The following ANKRD27 variants were observed in gnomAD, a reference collection of about 807,000 sequenced individuals.
The protein encoded by ANKRD27 is ankyrin repeat domain 27.
ANKRD27 carries 112 observed loss-of-function variants against 129.7 expected under a neutral mutation model. The ratio of observed to expected loss-of-function variants is 0.86; its 90% CI spans 0.74 to 1.01. The LOEUF is 1.01. Ranked by LOEUF, ANKRD27 falls within the 50% of genes least tolerant of loss-of-function variation. ANKRD27 has a pLI of 0.00. For missense variants in ANKRD27, 1,258 were observed against 1,300.5 expected (o/e 0.97, Z 0.50); for synonymous variants, 516 against 511.2 (o/e 1.01, Z -0.13).
rs763353897 is a variant in ANKRD27 at position 32,599,969 on chromosome 19, CACTT to C, written c.2845_2846+2del. 66 of 1,610,834 alleles carry C rather than the reference CACTT, an allele frequency of 4.1e-5. No homozygotes were observed. Among genetic ancestry groups the C allele is most frequent in the Non-Finnish European group, 5.1e-5 (60 of 1,177,778 alleles). On this transcript the variant is annotated splice_donor_variant and coding_sequence_variant, in exon 27 of 29. Coordinates refer to ENST00000306065, the MANE Select transcript of ANKRD27 (RefSeq NM_032139.3). LOFTEE classifies it high-confidence loss of function. ...CAGAAATCAACTTGAGTTTCATACT[CACTT>C]AAACTGACCAGCTGAGTGGACAAAG...
chr19:32,646,593 C>T lies in ANKRD27; in HGVS notation c.236G>A (p.Arg79Lys), dbSNP rs777641390. The T allele has an allele frequency of 6.2e-7, 1 of 1,613,326 alleles. No homozygotes were observed. The highest frequency in any genetic ancestry group is 1.7e-5 in the Admixed American group (1 of 59,692). The change falls in exon 4 of 29, where the codon AGG becomes AAG. Residue 79 changes from arginine (R) to lysine (K), a missense_variant. By Grantham distance (26) the Arg-to-Lys change is conservative. Coordinates refer to ENST00000306065, the MANE Select transcript of ANKRD27 (RefSeq NM_032139.3). ...GGCAAAACCAGCTCCTAATTTAATCCTGTTCCCTTGAATAAAGACATCCTG... is the reference window on the plus strand; with the variant it reads ...GGCAAAACCAGCTCCTAATTTAATCTTGTTCCCTTGAATAAAGACATCCTG... ...NGKDVFIQGN[R>K]IKLGAGFACL...
intron 13 of ANKRD27, among the ~76,000 whole-genome samples, chr19:32,630,412 C>T (rs1966972420): frequency 6.6e-6 from 1 of 152,232 alleles, no homozygotes; most frequent in Non-Finnish European, 1.5e-5. Context: ...ACCAGACCAC[C>T]AGGAAGTCAG....
At chr19:32,654,258 C>CA (rs1967477672) in intron 2 of ANKRD27, among the ~76,000 whole-genome samples, 1 of 152,104 alleles carries the variant, frequency 6.6e-6, no homozygotes, top group Admixed American at 6.5e-5. Flanking sequence ...CTCTGATCTC[C>CA]AGGGCAGACT....
rs778367480 is a variant in ANKRD27, at chr19:32,643,243, CAGA to C, written c.705+41_705+43del. 4.3e-6 allele frequency: 7 copies of C among 1,613,934 alleles called. No homozygotes were observed. In the South Asian group the frequency reaches 4.4e-5, roughly 10 times the overall value. ...GAACCTTCAAATTTCTCAAAAAGCA[CAGA>C]AGAAGGCTTCCATCTTGGGTGATAA... On this transcript the variant is annotated intron_variant, in intron 8 of 28. Coordinates refer to ENST00000306065, the MANE Select transcript of ANKRD27 (RefSeq NM_032139.3).
chr19:32,637,121 A>G (rs1967105732), intron 12 of ANKRD27, among the ~76,000 whole-genome samples: 1 of 152,210 alleles, frequency 6.6e-6, no homozygotes, highest in Non-Finnish European at 1.5e-5. Flanking sequence ...TGAACGTGTC[A>G]ATAACGAATG....
At chr19:32,651,018 GAC>G (rs1967406603) in intron 2 of ANKRD27, among the ~76,000 whole-genome samples, 1 of 151,918 alleles carries the variant, frequency 6.6e-6, no homozygotes, top group African/African-American at 2.4e-5. Flanking sequence ...GTGCTGGGAT[GAC>G]AGTCATGAGC....
intron 9 of ANKRD27, 45 bp downstream of exon 9, chr19:32,643,078 C>A (rs1967231406): frequency 6.3e-7 from 1 of 1,594,702 alleles, no homozygotes; most frequent in Non-Finnish European, 8.6e-7. Context: ...GAAGACAGCA[C>A]CCCTGCCTCT....
Position 32,607,739 on chromosome 19 carries a change from C to G in ANKRD27, c.2269G>C (p.Ala757Pro). 6.2e-7 allele frequency: 1 copy of G among 1,612,990 alleles called. No homozygotes were observed. The change falls in exon 23 of 29, where the codon GCG becomes CCG. Residue 757 changes from alanine (A) to proline (P), a missense_variant. Ala to Pro is a conservative substitution (Grantham distance 27, BLOSUM62 -1). Transcript: ENST00000306065. Reference sequence around the variant, plus strand: ...TTCAGCAGGAGGGGGATGAGGTCCGCCCGGCCGTGCAGGGCGGCGACATGC... The same window carrying G: ...TTCAGCAGGAGGGGGATGAGGTCCGGCCGGCCGTGCAGGGCGGCGACATGC... ...PLHVAALHGR[A>P]DLIPLLLKHG...
At chr19:32,653,111 G>A (rs1365882529) in intron 2 of ANKRD27, among the ~76,000 whole-genome samples, 4 of 152,160 alleles carry the variant, frequency 2.6e-5, no homozygotes, top group African/African-American at 9.7e-5. Flanking sequence ...TTCCCTGAAG[G>A]CGTGCCAAGT....
chr19:32,613,164 C>A (rs434020), intron 22 of ANKRD27, among the ~76,000 whole-genome samples: 88,885 of 151,974 alleles, frequency 0.58, 27,092 homozygotes, highest in Non-Finnish European at 0.69. Context: ...GCAAATAAGC[C>A]CATGAAAAGC....
chr19:32,598,275 A>C lies in ANKRD27; in HGVS notation c.3023T>G (p.Leu1008Arg). 1 of 1,614,204 alleles carries C rather than the reference A, an allele frequency of 6.2e-7. No individual in the cohort carries two copies. The highest frequency in any genetic ancestry group is 8.5e-7 in the Non-Finnish European group (1 of 1,180,034). ...GNSDWPERPG[L>R]TQTGPGHRRM... The stretch of plus-strand genomic sequence containing the variant: ...TCTGTGTCCAGGGCCAGTCTGTGTC[A>C]GTCCAGGCCTCTCTGGCCAGTCGCT... Residue 1008 changes from leucine (L) to arginine (R), a missense_variant, in exon 29 of 29, where the codon CTG becomes CGG. By Grantham distance (102) the Leu-to-Arg change is moderately radical. Coordinates refer to ENST00000306065, the MANE Select transcript of ANKRD27 (RefSeq NM_032139.3).
Position 32,602,014 on chromosome 19 carries a change from C to A in ANKRD27, c.2767+1G>T. The A allele has an allele frequency of 6.2e-7, 1 of 1,601,746 alleles. No individual in the cohort carries two copies. The highest frequency in any genetic ancestry group is 8.5e-7 in the Non-Finnish European group (1 of 1,171,388). Reference sequence around the variant, plus strand: ...GTGACAGAAAGAACGTAAACTCTTACATTTTTTCCTGATCTTAACAGTGAC... The same window carrying A: ...GTGACAGAAAGAACGTAAACTCTTAAATTTTTTCCTGATCTTAACAGTGAC... On this transcript the variant is annotated splice_donor_variant, in intron 26 of 28. Coordinates refer to ENST00000306065, the MANE Select transcript of ANKRD27 (RefSeq NM_032139.3). LOFTEE classifies it high-confidence loss of function.
rs79799392 is a variant in ANKRD27 at position 32,658,998 on chromosome 19, T to A, written c.18A>T (p.Glu6Asp). MALYD[E>D]DLLKNPFYLA... The stretch of plus-strand genomic sequence containing the variant: ...GATAGAAAGGATTTTTCAGGAGGTC[T>A]TCATCATACAGAGCCATATGGACTT... The change falls in exon 2 of 29, where the codon GAA (glutamate) becomes GAT (aspartate). Residue 6 changes from glutamate to aspartate, a missense_variant. Coordinates refer to ENST00000306065, the MANE Select transcript of ANKRD27 (RefSeq NM_032139.3). 31 of 1,613,934 alleles carry A rather than the reference T, an allele frequency of 1.9e-5. No homozygotes were observed. Among genetic ancestry groups the A allele is most frequent in the Non-Finnish European group, 2.6e-5 (31 of 1,179,876 alleles).
At chr19:32,600,640 C>T (rs953879373) in intron 26 of ANKRD27, among the ~76,000 whole-genome samples, 1 of 152,070 alleles carries the variant, frequency 6.6e-6, no homozygotes, top group African/African-American at 2.4e-5. Flanking sequence ...GAGTATAATG[C>T]AAATATTCCA....
chr19:32,627,354 G>T, intron 15 of ANKRD27, among the ~76,000 whole-genome samples: 1 of 147,506 alleles, frequency 6.8e-6, no homozygotes, highest in Admixed American at 6.8e-5. Context: ...TCTTGAATGT[G>T]CACTTTATTT....
In ANKRD27 at chr19:32,643,141, C is replaced by A. The variant is rs377719018; in HGVS notation, c.764G>T (p.Gly255Val). 7 of 1,613,770 alleles carry A rather than the reference C, an allele frequency of 4.3e-6. No homozygotes were observed. The highest frequency in any genetic ancestry group is 5.9e-6 in the Non-Finnish European group (7 of 1,180,004). The change falls in exon 9 of 29, where the codon GGT becomes GTT. Residue 255 changes from glycine to valine, a missense_variant. By Grantham distance (109) the Gly-to-Val change is moderately radical (BLOSUM62 -3). Transcript: ENST00000306065. ...SLQDLQQKDI[G>V]VKPEFSFNIP... ...CCCTTACCTGAACTCCGGTTTCACACCAATATCTTTCTGCTGAAGATCTTG... is the reference window on the plus strand; with the variant it reads ...CCCTTACCTGAACTCCGGTTTCACAACAATATCTTTCTGCTGAAGATCTTG...
In ANKRD27 at chr19:32,618,695, T is replaced by C. The variant is rs553904391; in HGVS notation, c.2007+565A>G. Among the ~76,000 whole-genome samples the C allele has an allele frequency of 2.0e-5, 3 of 151,900 alleles. No homozygotes were observed. The East Asian group carries it at 5.8e-4, about 30-fold the overall frequency. On this transcript the variant is annotated intron_variant, in intron 20 of 28. Transcript: ENST00000306065. ...AGGGTCAGTGAGGGTTCAGCACCCA[T>C]GGGGGGGCCATCGAAGGTGGTACAT...
intron 12 of ANKRD27, among the ~76,000 whole-genome samples, chr19:32,631,980 C>A (rs11878322): frequency 1.3e-5 from 2 of 152,048 alleles, no homozygotes; most frequent in Non-Finnish European, 2.9e-5. Context: ...GCTTTTTGGA[C>A]GTGCCTATTA....
At position 32,658,942 on chromosome 19, in the gene ANKRD27, C is replaced by G; in HGVS notation, c.74G>C (p.Cys25Ser). 6.2e-7 allele frequency: 1 copy of G among 1,614,096 alleles called. No homozygotes were observed. Reference sequence around the variant, plus strand: ...GCCATGGATTTGGGCCACTTTGCTGCACAAGTCAGGGCGGCACTTTTGCAG... The same window carrying G: ...GCCATGGATTTGGGCCACTTTGCTGGACAAGTCAGGGCGGCACTTTTGCAG... ...LALQKCRPDL[C>S]SKVAQIHGIV... Residue 25 changes from cysteine (C) to serine (S), a missense_variant, in exon 2 of 29, where the codon TGC becomes TCC. By Grantham distance (112) the Cys-to-Ser change is moderately radical (BLOSUM62 -1). Transcript: ENST00000306065.
Sources: allele counts gnomAD v4.1 joint callset (sites outside exome capture counted in the v4.1 genomes callset), GRCh38; gene constraint gnomAD v4.1.1; transcripts MANE v1.5; gene names NCBI Gene and HGNC (gene_info 2026-07-23, HGNC 2026-07-21).